The following ZP2 variants were observed in gnomAD, a reference collection of about 807,000 sequenced individuals.
ZP2 encodes zona pellucida sperm-binding protein 2.
A neutral mutation model predicts 84.0 loss-of-function variants in ZP2; 51 were observed. That is an observed-to-expected ratio of 0.61 (90% CI 0.49 to 0.77). ZP2 has a LOEUF of 0.77. ZP2 is among the 30% of genes least tolerant of loss of function. The pLI is 0.00. For synonymous variants in ZP2, 375 were observed against 330.9 expected (o/e 1.13, Z -1.45); for missense variants, 909 against 911.9 (o/e 1.00, Z 0.04).
Position 21,210,165 on chromosome 16 carries a change from A to T in ZP2, c.179T>A (p.Ile60Lys), listed in dbSNP as rs1268781492. ...PGTVTCDEREITVEFPSSPGT... is the reference protein window; with the variant it reads ...PGTVTCDEREKTVEFPSSPGT... ...AGGACTGCTTGGGAACTCCACTGTTATTTCCCTTTCATCGCAAGTGACAGT... is the reference window on the plus strand; with the variant it reads ...AGGACTGCTTGGGAACTCCACTGTTTTTTCCCTTTCATCGCAAGTGACAGT... Residue 60 changes from isoleucine to lysine, a missense_variant, in exon 3 of 19, where the codon ATA becomes AAA. By Grantham distance (102) the Ile-to-Lys change is moderately radical. Coordinates refer to ENST00000574091, the MANE Select transcript of ZP2 (RefSeq NM_001376232.1). 1 of 1,613,848 alleles carries T rather than the reference A, an allele frequency of 6.2e-7. No homozygotes were observed. The highest frequency in any genetic ancestry group is 8.5e-7 in the Non-Finnish European group (1 of 1,179,976).
In ZP2 at chr16:21,201,411, A is replaced by C. The variant is rs775699558; in HGVS notation, c.1652T>G (p.Met551Arg). 1.9e-6 allele frequency: 3 copies of C among 1,606,290 alleles called. 1 individual carries two copies. In the South Asian group the frequency reaches 3.3e-5, roughly 18 times the overall value. ...CCACTGGGGGAAAGAGTCTGGATCC[A>C]TGGTGGACGTCGCCCAGCAGTCATC... ...VLDDCWATST[M>R]DPDSFPQWNV... Residue 551 changes from methionine (M) to arginine (R), a missense_variant, in exon 14 of 19, where the codon ATG (methionine) becomes AGG (arginine). By Grantham distance (91) the Met-to-Arg change is moderately conservative (BLOSUM62 -1). Transcript: ENST00000574091.
In ZP2 at chr16:21,197,795, C is replaced by G. The variant is rs2093206363; in HGVS notation, c.2066G>C (p.Ser689Thr). ...ASGSSGEKSR[S>T]ETGEEVGSRG... ...TGAGCCAACCTCCTCCCCTGTTTCA[C>G]TCCTACTCTTCTCCCCACTGCTCCC... Residue 689 changes from serine (S) to threonine (T), a missense_variant, in exon 18 of 19, where the codon AGT (serine) becomes ACT (threonine). By Grantham distance (58) the Ser-to-Thr change is moderately conservative (BLOSUM62 1). Coordinates refer to ENST00000574091, the MANE Select transcript of ZP2 (RefSeq NM_001376232.1). 1.2e-5 allele frequency: 19 copies of G among 1,614,092 alleles called. No individual in the cohort carries two copies. The highest frequency in any genetic ancestry group is 1.7e-5 in the Admixed American group (1 of 59,998).
intron 14 of ZP2, 133 bp from the exon 15 acceptor site, chr16:21,200,011 TTACTC>T: frequency 9.0e-7 from 1 of 1,107,084 alleles, no homozygotes; most frequent in Non-Finnish European, 1.3e-6. Flanking sequence ...CACCTTTGTT[TTACTC>T]AGCATTTCTT....
At position 21,205,743 on chromosome 16, in the gene ZP2, A is replaced by G; in HGVS notation, c.516T>C (p.Ala172=). 2 of 1,614,082 alleles carry G rather than the reference A, an allele frequency of 1.2e-6. No individual in the cohort carries two copies. Among genetic ancestry groups the G allele is most frequent in the Non-Finnish European group, 1.7e-6 (2 of 1,179,988 alleles). The change falls in exon 6 of 19, where the codon GCT becomes GCC. Residue 172 remains alanine (A), a synonymous_variant. Coordinates refer to ENST00000574091, the MANE Select transcript of ZP2 (RefSeq NM_001376232.1). ...ATTTGCTTCATACCTTACTGTCGTC[A>G]GCCAAGCCAGAGAAGACCCGTGGCA... is the stretch of plus-strand genomic sequence containing the variant. The part of the protein sequence containing the change: ...FSLPRVFSGL[A]DDSKGTKVQM...
chr16:21,201,525 T>G lies in ZP2; in HGVS notation c.1538A>C (p.Glu513Ala). 1 of 1,612,010 alleles carries G rather than the reference T, an allele frequency of 6.2e-7. No individual in the cohort carries two copies. Among genetic ancestry groups the G allele is most frequent in the Non-Finnish European group, 8.5e-7 (1 of 1,179,118 alleles). ...NSYQQPYGENEYPLVRFLRQP... is the reference protein window; with the variant it reads ...NSYQQPYGENAYPLVRFLRQP... ...GCGGAGGAATCTCACTAGAGGGTAC[T>G]CGTTTTCCCCATAAGGTTGTTGGTA... Residue 513 changes from glutamate to alanine, a missense_variant, in exon 14 of 19, where the codon GAG becomes GCG. Glu to Ala is a moderately radical substitution (Grantham distance 107). Coordinates refer to ENST00000574091, the MANE Select transcript of ZP2 (RefSeq NM_001376232.1).
chr16:21,211,108 G>C (rs1301034919), intron 2 of ZP2, among the ~76,000 whole-genome samples, 199 bp downstream of exon 2: 1 of 152,162 alleles, frequency 6.6e-6, no homozygotes, highest in Non-Finnish European at 1.5e-5. Flanking sequence ...TTGGAAGGCA[G>C]TGCAAGTGTT....
In ZP2 at chr16:21,203,194, G is replaced by GA; in HGVS notation, c.1029dup (p.Leu344SerfsTer14). ...ATGGATACTGTCTCTGGCCGAAGGA[G>GA]AAAGGTCAGCTTGAGTGAAGCTAAG... On this transcript the variant is annotated frameshift_variant, in exon 10 of 19. Transcript: ENST00000574091. LOFTEE classifies it high-confidence loss of function. 1 of 1,613,990 alleles carries GA rather than the reference G, an allele frequency of 6.2e-7. No individual in the cohort carries two copies. The highest frequency in any genetic ancestry group is 8.5e-7 in the Non-Finnish European group (1 of 1,179,926).
At chr16:21,214,164 G>C, upstream of ZP2, 1 of 894,390 alleles carries the variant, frequency 1.1e-6, no homozygotes, top group Non-Finnish European at 1.3e-6. Flanking sequence ...GATGTGGTGA[G>C]AAAGCCCGCT....
rs775337683 is a variant in ZP2 at position 21,209,724 on chromosome 16, A to T, written c.237T>A (p.Asp79Glu). 1.2e-6 allele frequency: 2 copies of T among 1,614,110 alleles called. No individual in the cohort carries two copies. The highest frequency in any genetic ancestry group is 1.1e-5 in the South Asian group (1 of 91,088). Residue 79 changes from aspartate to glutamate, a missense_variant and splice_region_variant, in exon 4 of 19, where the codon GAT becomes GAA. Physicochemically the swap from Asp to Glu is conservative, Grantham distance 45 (BLOSUM62 2). Coordinates refer to ENST00000574091, the MANE Select transcript of ZP2 (RefSeq NM_001376232.1). Reference protein sequence around the residue: ...GTKKWHASVVDPLGLDMPNCT... With the variant: ...GTKKWHASVVEPLGLDMPNCT... ...AGTTCGGCATGTCGAGACCAAGAGG[A>T]TCTGCCAAGGCCAGAGCAGGTTAGA...
At chr16:21,212,528 TTATAAC>T (rs1205797272), upstream of ZP2, among the ~76,000 whole-genome samples, 1 of 152,254 alleles carries the variant, frequency 6.6e-6, no homozygotes, top group Non-Finnish European at 1.5e-5. Context: ...TACTGTCACT[TTATAAC>T]TATTAAACAT....
chr16:21,200,794 G>A (rs2093221405), intron 14 of ZP2, among the ~76,000 whole-genome samples: 2 of 152,232 alleles, frequency 1.3e-5, no homozygotes, highest in Admixed American at 6.5e-5. Context: ...TATGGTAGGT[G>A]TTCAGATGGA....
rs1355501875 is a variant in ZP2 at position 21,201,518 on chromosome 16, A to G, written c.1545T>C (p.Pro515=). 2 of 1,612,606 alleles carry G rather than the reference A, an allele frequency of 1.2e-6. No individual in the cohort carries two copies. The highest frequency in any genetic ancestry group is 1.3e-5 in the African/African-American group (1 of 74,922). Residue 515 remains proline (P), a synonymous_variant, in exon 14 of 19, where the codon CCT becomes CCC. Coordinates refer to ENST00000574091, the MANE Select transcript of ZP2 (RefSeq NM_001376232.1). ...YQQPYGENEY[P]LVRFLRQPIY... is the part of the protein sequence containing the mutation. ...TTGGTTGGCGGAGGAATCTCACTAG[A>G]GGGTACTCGTTTTCCCCATAAGGTT... is the stretch of plus-strand genomic sequence containing the variant.
chr16:21,210,876 C>CA (rs200560016), intron 2 of ZP2, among the ~76,000 whole-genome samples: 1,925 of 135,028 alleles, frequency 0.014, 47 homozygotes, highest in African/African-American at 0.05. Flanking sequence ...CGCCTGGCTG[C>CA]ATTTTTTTTT....
upstream of ZP2, among the ~76,000 whole-genome samples, chr16:21,212,730 T>C (rs560081991): frequency 1.6e-4 from 24 of 152,310 alleles, no homozygotes; most frequent in African/African-American, 5.1e-4. Flanking sequence ...AAAGTAAAAC[T>C]TCTGGGTAAA....
Position 21,204,123 on chromosome 16 carries a change from G to A in ZP2, c.879C>T (p.Asn293=), listed in dbSNP as rs932675271. The A allele has an allele frequency of 2.5e-6, 4 of 1,614,152 alleles. No individual in the cohort carries two copies. Among genetic ancestry groups the A allele is most frequent in the African/African-American group, 2.7e-5 (2 of 75,044 alleles). ...TGTCATGCAGCTGGCTCACATCAAT[G>A]TTCTGGTTTTCAAAGCTCACAGACT... is the stretch of plus-strand genomic sequence containing the variant. The part of the protein sequence containing the change: ...KLKSVSFENQ[N]IDVSQLHDNG... Residue 293 remains asparagine, a synonymous_variant, in exon 9 of 19, where the codon AAC becomes AAT. Transcript: ENST00000574091.
At position 21,205,525 on chromosome 16, in the gene ZP2, A is replaced by T. The variant is rs1470842454; in HGVS notation, c.588T>A (p.Thr196=). The change falls in exon 7 of 19, where the codon ACT becomes ACA. Residue 196 remains threonine, a synonymous_variant. Transcript: ENST00000574091. ...CCTTCATGGCCTCTGGCAGGGTCAG[A>T]GTTTTGGCTCTTGCACCATCACCAA... ...IEVGDGARAK[T]LTLPEAMKEG... 3 of 1,614,006 alleles carry T rather than the reference A, an allele frequency of 1.9e-6. No individual in the cohort carries two copies. In the Admixed American group the frequency reaches 5.0e-5, roughly 27 times the overall value.
Position 21,198,804 on chromosome 16 carries a change from C to T in ZP2, c.1986G>A (p.Leu662=). 1 of 1,614,096 alleles carries T rather than the reference C, an allele frequency of 6.2e-7. No homozygotes were observed. Among genetic ancestry groups the T allele is most frequent in the Non-Finnish European group, 8.5e-7 (1 of 1,179,998 alleles). The change falls in exon 17 of 19, where the codon CTG becomes CTA. Residue 662 remains leucine, a synonymous_variant. Transcript: ENST00000574091. ...MTVSLPGPIL[L]LSDDSSFRGV... ...CTCTGAATGAGGAGTCATCTGACAA[C>T]AGGAGAATGGGTCCTGGGAGGCTGA...
rs2093267947 is a variant in ZP2, at chr16:21,210,119, T to C, written c.225A>G (p.Ala75=). 4 of 1,614,028 alleles carry C rather than the reference T, an allele frequency of 2.5e-6. No individual in the cohort carries two copies. Among genetic ancestry groups the C allele is most frequent in the Non-Finnish European group, 3.4e-6 (4 of 1,179,950 alleles). ...ACACACGTTACCTACCCACCACAGATGCATGCCATTTCTTGGTGCCAGGAC... is the reference window on the plus strand; with the variant it reads ...ACACACGTTACCTACCCACCACAGACGCATGCCATTTCTTGGTGCCAGGAC... The part of the protein sequence containing the change: ...PSSPGTKKWH[A]SVVDPLGLDM... Residue 75 remains alanine, a synonymous_variant, in exon 3 of 19, where the codon GCA becomes GCG. Coordinates refer to ENST00000574091, the MANE Select transcript of ZP2 (RefSeq NM_001376232.1).
Position 21,197,765 on chromosome 16 carries a change from C to T in ZP2, c.2095+1G>A, listed in dbSNP as rs903258839. The T allele has an allele frequency of 1.2e-6, 2 of 1,614,158 alleles. No individual in the cohort carries two copies. Among genetic ancestry groups the T allele is most frequent in the Non-Finnish European group, 1.7e-6 (2 of 1,180,008 alleles). ...AAGTTTGCAACATTGAATAAACTTA[C>T]CTCGTGAGCCAACCTCCTCCCCTGT... On this transcript the variant is annotated splice_donor_variant, in intron 18 of 18. Coordinates refer to ENST00000574091, the MANE Select transcript of ZP2 (RefSeq NM_001376232.1). LOFTEE classifies it high-confidence loss of function.
Sources: gnomAD v4.1 joint callset for allele counts (sites outside exome capture counted in the v4.1 genomes callset) on GRCh38, gnomAD v4.1.1 for gene constraint, MANE v1.5 for transcripts, NCBI Gene and HGNC (gene_info 2026-07-23, HGNC 2026-07-21) for gene names.